Variants in GOLGB1 observed in about 807,000 individuals in gnomAD.
The protein encoded by GOLGB1 is golgin B1.
Under a neutral mutation model 336.9 loss-of-function variants are expected in GOLGB1, and 174 were observed. The ratio of observed to expected loss-of-function variants is 0.52; its 90% CI spans 0.46 to 0.59. The LOEUF (loss-of-function observed/expected upper bound fraction) is 0.59, where lower values mean the gene tolerates loss of function less well. Among genes scored for constraint, GOLGB1 ranks in the 20% least tolerant of loss-of-function variants. The pLI is 0.00. For synonymous variants in GOLGB1, 1,208 were observed against 1,289.2 expected (o/e 0.94, Z 1.35); for missense variants, 3,331 against 3,645.3 (o/e 0.91, Z 2.22).
intron 17 of GOLGB1, among the ~76,000 whole-genome samples, chr3:121,671,048 C>G (rs772406403): frequency 1.8e-4 from 28 of 152,176 alleles, no homozygotes; most frequent in Non-Finnish European, 3.8e-4. Flanking sequence ...GGAACACAAC[C>G]AGCCCAATTG....
At chr3:121,742,256 T>G (rs1381805968) in intron 1 of GOLGB1, among the ~76,000 whole-genome samples, 16 of 152,202 alleles carry the variant, frequency 1.1e-4, no homozygotes, top group Non-Finnish European at 1.2e-4. Context: ...ATGGTACTGG[T>G]ACCAAAACAC....
intron 5 of GOLGB1, among the ~76,000 whole-genome samples, chr3:121,723,342 T>C (rs1945327552): frequency 6.6e-6 from 1 of 152,170 alleles, no homozygotes; most frequent in Non-Finnish European, 1.5e-5. Context: ...TATCAATGGG[T>C]TGATTCAGTT....
At position 121,698,700 on chromosome 3, in the gene GOLGB1, C is replaced by G. The variant is rs1943153679; in HGVS notation, c.1823G>C (p.Gly608Ala). Residue 608 changes from glycine (G) to alanine (A), a missense_variant, in exon 13 of 22, where the codon GGT becomes GCT. Coordinates refer to ENST00000614479, the MANE Select transcript of GOLGB1 (RefSeq NM_001366282.2). Reference protein sequence around the residue: ...LDQKEMKQMEGEGIAPIKMKV... With the variant: ...LDQKEMKQMEAEGIAPIKMKV... ...CATTTTAATTGGAGCTATTCCCTCA[C>G]CCTCCATCTGTTTCATTTCTTTCTG... The G allele has an allele frequency of 6.2e-7, 1 of 1,613,750 alleles. No homozygotes were observed. Among genetic ancestry groups the G allele is most frequent in the Non-Finnish European group, 8.5e-7 (1 of 1,179,758 alleles).
chr3:121,738,381 C>G (rs1435051186), intron 1 of GOLGB1, among the ~76,000 whole-genome samples: 1 of 152,172 alleles, frequency 6.6e-6, no homozygotes, highest in African/African-American at 2.4e-5. Context: ...GATCCATGGA[C>G]AGCCTTTACC....
rs1942758728 is a variant in GOLGB1, at chr3:121,694,474, C to G, written c.6049G>C (p.Glu2017Gln). The G allele has an allele frequency of 1.2e-6, 2 of 1,611,686 alleles. No individual in the cohort carries two copies. Among genetic ancestry groups the G allele is most frequent in the Non-Finnish European group, 1.7e-6 (2 of 1,179,696 alleles). Residue 2017 changes from glutamate to glutamine, a missense_variant, in exon 13 of 22, where the codon GAA becomes CAA. Transcript: ENST00000614479. ...GNKSHAKELQELLKEKQQEVK... is the reference protein window; with the variant it reads ...GNKSHAKELQQLLKEKQQEVK... The stretch of plus-strand genomic sequence containing the variant: ...TCTTGTTGTTTTTCTTTTAACAGTT[C>G]CTGAAGTTCCTTTGCATGGCTTTTA...
rs559206532 is a variant in GOLGB1 at position 121,723,824 on chromosome 3, A to G, written c.532-1446T>C. Among the ~76,000 whole-genome samples the G allele has an allele frequency of 9.8e-5, 15 of 152,330 alleles. No individual in the cohort carries two copies. The East Asian group carries it at 2.9e-3, about 29-fold the overall frequency. ...AGTCTGTTAAGAAAAGCTTTCCTGAATCAAGCCTCCTTCCAAATAGAGGTT... is the reference window on the plus strand; with the variant it reads ...AGTCTGTTAAGAAAAGCTTTCCTGAGTCAAGCCTCCTTCCAAATAGAGGTT... On this transcript the variant is annotated intron_variant, in intron 5 of 21. Coordinates refer to ENST00000614479, the MANE Select transcript of GOLGB1 (RefSeq NM_001366282.2).
chr3:121,730,325 G>A (rs1576455549), intron 2 of GOLGB1: 1 of 239,466 alleles, frequency 4.2e-6, no homozygotes, highest in East Asian at 9.5e-5. Flanking sequence ...AAAATTAAGA[G>A]TAGTTAAGTA....
Position 121,695,649 on chromosome 3 carries a change from T to C in GOLGB1, c.4874A>G (p.Gln1625Arg), listed in dbSNP as rs1201132374. Residue 1625 changes from glutamine (Q) to arginine (R), a missense_variant, in exon 13 of 22, where the codon CAG becomes CGG. By Grantham distance (43) the Gln-to-Arg change is conservative. Transcript: ENST00000614479. ...TTCATTACTAACATTCTCATAGGAC[T>C]GCAGAAGAATTTCATACTCTTTTTG... ...ELQKEYEILL[Q>R]SYENVSNEAE... 6.2e-7 allele frequency: 1 copy of C among 1,613,486 alleles called. No homozygotes were observed. The highest frequency in any genetic ancestry group is 1.1e-5 in the South Asian group (1 of 91,084).
intron 1 of GOLGB1, among the ~76,000 whole-genome samples, chr3:121,739,717 T>C (rs1946721355): frequency 6.6e-6 from 1 of 152,134 alleles, no homozygotes; most frequent in Non-Finnish European, 1.5e-5. Flanking sequence ...CCCCAGCATT[T>C]ATCTTAGAGA....
chr3:121,711,916 C>T (rs576175416), intron 10 of GOLGB1, among the ~76,000 whole-genome samples: 1 of 152,212 alleles, frequency 6.6e-6, no homozygotes, highest in Admixed American at 6.5e-5. Context: ...CCACACAATA[C>T]CAATTCAAAA....
chr3:121,686,139 C>T lies in GOLGB1; in HGVS notation c.8695-4274G>A, dbSNP rs115968741. On this transcript the variant is annotated intron_variant, in intron 14 of 21. Coordinates refer to ENST00000614479, the MANE Select transcript of GOLGB1 (RefSeq NM_001366282.2). ...CTGTAGAGAAGTAATGGATGTTTCA[C>T]AACTGCACAGTGTTCTCTTTATGGG... 2.2e-3 allele frequency among the ~76,000 whole-genome samples: 336 copies of T among 152,320 alleles called. 2 individuals carry two copies. Among genetic ancestry groups the T allele is most frequent in the Non-Finnish European group, 3.9e-3 (268 of 68,016 alleles).
In GOLGB1 at chr3:121,696,756, G is replaced by A. The variant is rs370467346; in HGVS notation, c.3767C>T (p.Thr1256Ile). The A allele has an allele frequency of 5.4e-5, 87 of 1,613,966 alleles. No individual in the cohort carries two copies. Among genetic ancestry groups the A allele is most frequent in the African/African-American group, 4.7e-4 (35 of 74,902 alleles). The change falls in exon 13 of 22, where the codon ACA becomes ATA. Residue 1256 changes from threonine (T) to isoleucine (I), a missense_variant. Thr to Ile is a moderately conservative substitution (Grantham distance 89, BLOSUM62 -1). Coordinates refer to ENST00000614479, the MANE Select transcript of GOLGB1 (RefSeq NM_001366282.2). Reference sequence around the variant, plus strand: ...GGAAGAACACGATTCCTGCTGGTCTGTGCTTGGGAGTTTTCCGTCTATGGA... The same window carrying A: ...GGAAGAACACGATTCCTGCTGGTCTATGCTTGGGAGTTTTCCGTCTATGGA... ...RESIDGKLPS[T>I]DQQESCSSTP...
intron 4 of GOLGB1, 43 bp downstream of exon 4, chr3:121,729,145 T>C: frequency 2.1e-6 from 3 of 1,445,808 alleles, no homozygotes; most frequent in Non-Finnish European, 2.8e-6. Context: ...TATTGGTAGG[T>C]TTTTTCAACT....
chr3:121,670,338 T>C (rs1351375549), intron 17 of GOLGB1, among the ~76,000 whole-genome samples: 1 of 152,188 alleles, frequency 6.6e-6, no homozygotes, highest in Non-Finnish European at 1.5e-5. Flanking sequence ...TGATTCTTTT[T>C]TGTAAGTTTT....
chr3:121,717,140 C>T lies in GOLGB1; in HGVS notation c.886-1G>A. 6.3e-7 allele frequency: 1 copy of T among 1,586,752 alleles called. No individual in the cohort carries two copies. Among genetic ancestry groups the T allele is most frequent in the Non-Finnish European group, 8.6e-7 (1 of 1,169,326 alleles). On this transcript the variant is annotated splice_acceptor_variant, in intron 8 of 21. Transcript: ENST00000614479. LOFTEE classifies it high-confidence loss of function. ...TCTGCTGTAACTGCTGAGAGAGAAT[C>T]TAAGAAAAAAGACAAAGTCTCATGA...
At chr3:121,735,850 C>T (rs1332594096) in intron 1 of GOLGB1, among the ~76,000 whole-genome samples, 1 of 152,108 alleles carries the variant, frequency 6.6e-6, no homozygotes, top group Non-Finnish European at 1.5e-5. Flanking sequence ...ATCCAGATCT[C>T]GATTTCTAAA....
intron 4 of GOLGB1, 67 bp downstream of exon 4, chr3:121,729,121 G>T: frequency 1.9e-6 from 2 of 1,037,070 alleles, no homozygotes; most frequent in Non-Finnish European, 2.8e-6. Context: ...TTTGTGATTG[G>T]TGAAGATCTG....
At position 121,706,733 on chromosome 3, in the gene GOLGB1, C is replaced by CAAAAAAAAAAAAAA. The variant is rs1200925309; in HGVS notation, c.1405-4152_1405-4139dup. Among the ~76,000 whole-genome samples the CAAAAAAAAAAAAAA allele has an allele frequency of 3.1e-4, 5 of 16,158 alleles. 1 individual carries two copies. The highest frequency in any genetic ancestry group is 5.1e-4 in the African/African-American group (2 of 3,894). The allele number at this position is 16,158 out of a possible 152,430, so 10.6% of individuals were successfully genotyped here. A position where few individuals can be genotyped will look rare whatever the true frequency, so the allele number is the denominator to read the frequency against. On this transcript the variant is annotated intron_variant, in intron 10 of 21. Coordinates refer to ENST00000614479, the MANE Select transcript of GOLGB1 (RefSeq NM_001366282.2). ...TGGATGACACACTGAGACTCTGTCTCAAAAAAAAAAAAAAAAAAAAAAAAA... is the reference window on the plus strand; with the variant it reads ...TGGATGACACACTGAGACTCTGTCTCAAAAAAAAAAAAAAAAAAAAAAAAAAAAAAAAAAAAAAA...
At chr3:121,677,163 C>G (rs777510760) in intron 16 of GOLGB1, 122 bp downstream of exon 16, 1 of 1,240,202 alleles carries the variant, frequency 8.1e-7, no homozygotes, top group Non-Finnish European at 1.1e-6. Context: ...CAGATGGGCA[C>G]TTAATTTGTA....
Sources: allele counts gnomAD v4.1 joint callset (sites outside exome capture counted in the v4.1 genomes callset), GRCh38; gene constraint gnomAD v4.1.1; transcripts MANE v1.5; gene names NCBI Gene and HGNC (gene_info 2026-07-23, HGNC 2026-07-21).